The following TBC1D9 variants were observed in gnomAD, a reference collection of about 807,000 sequenced individuals.
TBC1D9 encodes TBC1 domain family member 9.
In TBC1D9, 63 loss-of-function variants were observed where a neutral mutation model predicts 132.0. The observed-to-expected ratio is 0.48, with a 90% CI of 0.39 to 0.59. The LOEUF is 0.59. TBC1D9 is among the 20% of genes least tolerant of loss of function. The probability of loss-of-function intolerance (pLI) is 0.00; values close to 1 mark genes in which losing one functional copy is unlikely to be tolerated. For synonymous variants in TBC1D9, 610 were observed against 609.9 expected (o/e 1.00, Z 0.00); for missense variants, 1,261 against 1,592.7 (o/e 0.79, Z 3.54).
chr4:140,707,600 A>G (rs1738168408), intron 1 of TBC1D9, among the ~76,000 whole-genome samples: 3 of 152,308 alleles, frequency 2.0e-5, no homozygotes, highest in Non-Finnish European at 4.4e-5. Flanking sequence ...TAGAAGTCTT[A>G]ACACTTACAT....
rs752389283 is a variant in TBC1D9, at chr4:140,661,886, C to T, written c.1803+7G>A. The T allele has an allele frequency of 5.6e-6, 9 of 1,609,518 alleles. No individual in the cohort carries two copies. In the Middle Eastern group the frequency reaches 5.2e-4, roughly 92 times the overall value. On this transcript the variant is annotated splice_region_variant and intron_variant, in intron 10 of 20. Transcript: ENST00000442267. ...TTTTTTTAGCAAAAACCACCTGTGACATTTACCTGGCAATACCCTATGTTG... is the reference window on the plus strand; with the variant it reads ...TTTTTTTAGCAAAAACCACCTGTGATATTTACCTGGCAATACCCTATGTTG...
intron 1 of TBC1D9, among the ~76,000 whole-genome samples, chr4:140,728,820 C>T (rs989871115): frequency 6.6e-6 from 1 of 152,116 alleles, no homozygotes; most frequent in Non-Finnish European, 1.5e-5. Context: ...GCGCCACCCA[C>T]ACCTGGCTAA....
At chr4:140,643,546 C>A in intron 13 of TBC1D9, 1 of 877,172 alleles carries the variant, frequency 1.1e-6, no homozygotes, top group East Asian at 2.6e-5. Flanking sequence ...ACGTCACAGT[C>A]TGACATTTCT....
chr4:140,707,444 T>C (rs554524184), intron 1 of TBC1D9, among the ~76,000 whole-genome samples: 1 of 152,336 alleles, frequency 6.6e-6, no homozygotes, highest in South Asian at 2.1e-4. Context: ...TCTATACACA[T>C]GCAAGACTTT....
chr4:140,710,398 C>G (rs1738224475), intron 1 of TBC1D9, among the ~76,000 whole-genome samples: 1 of 152,114 alleles, frequency 6.6e-6, no homozygotes, highest in African/African-American at 2.4e-5. Context: ...AAGCAGTATT[C>G]TGGATCACAG....
At chr4:140,639,036 G>A in intron 15 of TBC1D9, 50 bp downstream of exon 15, 1 of 1,310,148 alleles carries the variant, frequency 7.6e-7, no homozygotes. Context: ...AATTATTAAG[G>A]TGAACTCCTT....
At chr4:140,672,752 T>A (rs997305666) in intron 6 of TBC1D9, among the ~76,000 whole-genome samples, 2 of 152,152 alleles carry the variant, frequency 1.3e-5, no homozygotes, top group Non-Finnish European at 2.9e-5. Flanking sequence ...ACAATTACAT[T>A]AGAGTCTGCT....
Position 140,669,706 on chromosome 4 carries a change from G to A in TBC1D9, c.1365C>T (p.Ser455=), listed in dbSNP as rs751576434. The change falls in exon 8 of 21, where the codon AGC becomes AGT. Residue 455 remains serine, a synonymous_variant. Coordinates refer to ENST00000442267, the MANE Select transcript of TBC1D9 (RefSeq NM_015130.3). ...GERQFNLNGN[S]VPTATQTLMT... ...TCAGGGTCTGTGTGGCTGTGGGGAC[G>A]CTGTTGCCATTTAGGTTAAACTGGC... 11 of 1,613,968 alleles carry A rather than the reference G, an allele frequency of 6.8e-6. No homozygotes were observed. The highest frequency in any genetic ancestry group is 1.7e-5 in the Admixed American group (1 of 60,020).
At chr4:140,677,657 A>C (rs370580200) in intron 5 of TBC1D9, among the ~76,000 whole-genome samples, 1 of 152,074 alleles carries the variant, frequency 6.6e-6, no homozygotes, top group Non-Finnish European at 1.5e-5. Flanking sequence ...CTTGCTCATC[A>C]TGTCAGTTGT....
intron 1 of TBC1D9, among the ~76,000 whole-genome samples, chr4:140,716,545 C>T (rs1738337128): frequency 6.6e-6 from 1 of 151,914 alleles, no homozygotes; most frequent in Non-Finnish European, 1.5e-5. Context: ...TTGGCAATAA[C>T]AAAAGTAGTG....
chr4:140,645,182 C>T (rs1737084643), intron 13 of TBC1D9: 3 of 549,090 alleles, frequency 5.5e-6, no homozygotes, highest in South Asian at 1.5e-5. Flanking sequence ...GCAGCTTCTC[C>T]TGATCTCAGT....
chr4:140,750,157 A>AC (rs1553975803), intron 1 of TBC1D9, among the ~76,000 whole-genome samples: 18 of 95,972 alleles, frequency 1.9e-4, no homozygotes, highest in African/African-American at 1.5e-3. Flanking sequence ...GAGAACAAAA[A>AC]TTAAAAAAAA....
chr4:140,639,997 G>A (rs1736959177), intron 13 of TBC1D9, among the ~76,000 whole-genome samples: 1 of 152,192 alleles, frequency 6.6e-6, no homozygotes, highest in African/African-American at 2.4e-5. Flanking sequence ...GAAAGAATTT[G>A]TAAGATTTTA....
At chr4:140,651,757 G>T (rs1268003924) in intron 13 of TBC1D9, among the ~76,000 whole-genome samples, 2 of 152,162 alleles carry the variant, frequency 1.3e-5, no homozygotes, top group African/African-American at 2.4e-5. Context: ...GAAAAAAAGT[G>T]GGGAGGAGTA....
At chr4:140,674,487 T>C (rs779124510) in intron 6 of TBC1D9, among the ~76,000 whole-genome samples, 45 of 152,248 alleles carry the variant, frequency 3.0e-4, no homozygotes, top group Admixed American at 4.6e-4. Flanking sequence ...GAATAAATTA[T>C]GTATATACTT....
chr4:140,748,384 G>T (rs1738869396), intron 1 of TBC1D9, among the ~76,000 whole-genome samples: 1 of 152,148 alleles, frequency 6.6e-6, no homozygotes, highest in African/African-American at 2.4e-5. Context: ...TAACATACAT[G>T]TAATTGGAGT....
chr4:140,708,203 T>C (rs368759914), intron 1 of TBC1D9, among the ~76,000 whole-genome samples: 3 of 152,334 alleles, frequency 2.0e-5, no homozygotes, highest in African/African-American at 4.8e-5. Context: ...TTATAAGTTC[T>C]AGCAAATCTG....
intron 1 of TBC1D9, among the ~76,000 whole-genome samples, chr4:140,707,764 G>A (rs1738170620): frequency 6.6e-6 from 1 of 152,044 alleles, no homozygotes; most frequent in Admixed American, 6.6e-5. Flanking sequence ...TTGTACAAGT[G>A]TTTCTCATCC....
chr4:140,754,499 C>T (rs1191797528), intron 1 of TBC1D9, among the ~76,000 whole-genome samples: 1 of 150,966 alleles, frequency 6.6e-6, no homozygotes, highest in Non-Finnish European at 1.5e-5. Flanking sequence ...CCTGTAGTCC[C>T]AGCTACTCAG....
Sources: gnomAD v4.1 joint callset for allele counts (sites outside exome capture counted in the v4.1 genomes callset) on GRCh38, gnomAD v4.1.1 for gene constraint, MANE v1.5 for transcripts, NCBI Gene and HGNC (gene_info 2026-07-23, HGNC 2026-07-21) for gene names.